PCDH9: variants seen among roughly 807,000 people sequenced by gnomAD.
The protein encoded by PCDH9 is protocadherin 9.
PCDH9 carries 24 observed loss-of-function variants against 70.6 expected under a neutral mutation model. That is an observed-to-expected ratio of 0.34 (90% CI 0.25 to 0.48). PCDH9 has a LOEUF of 0.48. Ranked by LOEUF, PCDH9 falls within the 20% of genes least tolerant of loss-of-function variation. The pLI is 0.99. For missense variants in PCDH9, 1,281 were observed against 1,503.6 expected (o/e 0.85, Z 2.45); for synonymous variants, 562 against 558.5 (o/e 1.01, Z -0.09).
chr13:66,774,808 T>G (rs1456489109), intron 3 of PCDH9, among the ~76,000 whole-genome samples: 1 of 152,216 alleles, frequency 6.6e-6, no homozygotes, highest in African/African-American at 2.4e-5. Context: ...TCCTCCTAAC[T>G]TTTTGCCAGT....
chr13:66,454,693 C>T (rs1243159835), intron 4 of PCDH9, among the ~76,000 whole-genome samples: 1 of 152,094 alleles, frequency 6.6e-6, no homozygotes, highest in East Asian at 1.9e-4. Flanking sequence ...TTTCTTTCTT[C>T]TTGAAAAACA....
chr13:66,455,905 A>G (rs1321904393), intron 4 of PCDH9, among the ~76,000 whole-genome samples: 2 of 152,144 alleles, frequency 1.3e-5, no homozygotes, highest in East Asian at 3.9e-4. Context: ...TCTAAAGGTA[A>G]GAGATTCATA....
intron 4 of PCDH9, among the ~76,000 whole-genome samples, chr13:66,425,088 A>T (rs544419266): frequency 7.4e-4 from 112 of 152,014 alleles, no homozygotes; most frequent in Admixed American, 2.5e-3. Flanking sequence ...TGAAAAATGG[A>T]AAATTATATT....
At chr13:66,307,632 TC>T (rs1955491050) in intron 4 of PCDH9, among the ~76,000 whole-genome samples, 2 of 152,092 alleles carry the variant, frequency 1.3e-5, no homozygotes, top group African/African-American at 4.8e-5. Flanking sequence ...ATTTCCAGCG[TC>T]ATTAATAAGT....
intron 3 of PCDH9, among the ~76,000 whole-genome samples, chr13:66,767,776 C>T (rs913231220): frequency 1.3e-5 from 2 of 152,016 alleles, no homozygotes; most frequent in African/African-American, 2.4e-5. Flanking sequence ...GTCTATGGAG[C>T]AATTTCACCA....
intron 2 of PCDH9, among the ~76,000 whole-genome samples, chr13:67,022,106 CTTTTTTTTTTTTTTTTTTTTTTTTTTTT>C (rs71110623): frequency 5.7e-5 from 2 of 35,370 alleles, no homozygotes; most frequent in Non-Finnish European, 9.6e-5. Flanking sequence ...AGGTGATGTT[CTTTTTTTTTTTTTTTTTTTTTTTTTTTT>C]TTTTTTTTTT....
intron 4 of PCDH9, among the ~76,000 whole-genome samples, chr13:66,423,655 C>T (rs894327728): frequency 2.0e-5 from 3 of 152,062 alleles, no homozygotes; most frequent in Admixed American, 6.5e-5. Flanking sequence ...ACTCAATAAA[C>T]TAGGTATTGA....
chr13:66,934,428 C>T (rs566602230), intron 2 of PCDH9, among the ~76,000 whole-genome samples: 59 of 151,064 alleles, frequency 3.9e-4, no homozygotes, highest in Non-Finnish European at 2.9e-5. Flanking sequence ...GCAATCCCAG[C>T]TACTTAGGAG....
intron 4 of PCDH9, among the ~76,000 whole-genome samples, chr13:66,312,701 A>G (rs1427394207): frequency 6.6e-6 from 1 of 152,186 alleles, no homozygotes; most frequent in Non-Finnish European, 1.5e-5. Context: ...TTTTAAATGT[A>G]AATAAAAATC....
At chr13:66,726,914 C>CT (rs919082174) in intron 3 of PCDH9, among the ~76,000 whole-genome samples, 1 of 152,126 alleles carries the variant, frequency 6.6e-6, no homozygotes, top group African/African-American at 2.4e-5. Flanking sequence ...TATTAGCCTA[C>CT]TTGCTTGCCT....
Position 66,407,421 on chromosome 13 carries a change from C to T in PCDH9, c.3341-102393G>A, listed in dbSNP as rs886471890. ...TTATTCTAAATTTATTCTATAACTCCGTAGCAGAGAAGAACCAATTGTGTG... is the reference window on the plus strand; with the variant it reads ...TTATTCTAAATTTATTCTATAACTCTGTAGCAGAGAAGAACCAATTGTGTG... On this transcript the variant is annotated intron_variant, in intron 4 of 4. Coordinates refer to ENST00000377865, the MANE Select transcript of PCDH9 (RefSeq NM_203487.3). Among the ~76,000 whole-genome samples the T allele has an allele frequency of 2.6e-5, 4 of 152,128 alleles. No homozygotes were observed. The South Asian group carries it at 8.3e-4, about 32-fold the overall frequency.
intron 4 of PCDH9, among the ~76,000 whole-genome samples, chr13:66,623,320 T>C (rs975453022): frequency 3.3e-5 from 5 of 152,264 alleles, no homozygotes; most frequent in African/African-American, 1.2e-4. Flanking sequence ...TTGAGTCATG[T>C]ACTATGTTAA....
At chr13:67,222,959 A>G (rs1043702172) in intron 2 of PCDH9, 1 of 152,118 alleles carries the variant, frequency 6.6e-6, no homozygotes, top group Non-Finnish European at 1.5e-5. Context: ...GTATATCACT[A>G]CCACTTCTCC....
intron 4 of PCDH9, among the ~76,000 whole-genome samples, chr13:66,596,625 C>T (rs1211145990): frequency 3.3e-5 from 5 of 151,692 alleles, no homozygotes; most frequent in Middle Eastern, 3.4e-3. Flanking sequence ...AATACGAGAA[C>T]GTGACAAGAA....
chr13:66,374,844 C>A (rs1010425948), intron 4 of PCDH9, among the ~76,000 whole-genome samples: 43 of 152,002 alleles, frequency 2.8e-4, no homozygotes, highest in African/African-American at 9.7e-4. Context: ...TGTATTTCTT[C>A]ATTGAGGACA....
intron 3 of PCDH9, among the ~76,000 whole-genome samples, chr13:66,799,600 A>C (rs1319905609): frequency 6.6e-6 from 1 of 152,246 alleles, no homozygotes; most frequent in Non-Finnish European, 1.5e-5. Flanking sequence ...TCAGAGAATA[A>C]GAAATGTCTA....
At chr13:66,513,138 T>C (rs1246672496) in intron 4 of PCDH9, among the ~76,000 whole-genome samples, 1 of 151,386 alleles carries the variant, frequency 6.6e-6, no homozygotes, top group Non-Finnish European at 1.5e-5. Context: ...CTTATATTCT[T>C]ATATATATTA....
intron 4 of PCDH9, among the ~76,000 whole-genome samples, chr13:66,504,442 A>G (rs1566375745): frequency 6.6e-6 from 1 of 152,150 alleles, no homozygotes; most frequent in Non-Finnish European, 1.5e-5. Context: ...ATAGTCCCCA[A>G]AGTTCAGGTG....
intron 2 of PCDH9, among the ~76,000 whole-genome samples, chr13:66,961,231 A>T (rs980787292): frequency 2.6e-5 from 4 of 152,172 alleles, no homozygotes; most frequent in Non-Finnish European, 4.4e-5. Flanking sequence ...AAACAATCAG[A>T]GAGTTCAGTG....
Sources: gnomAD v4.1 joint callset for allele counts (sites outside exome capture counted in the v4.1 genomes callset) on GRCh38, gnomAD v4.1.1 for gene constraint, MANE v1.5 for transcripts, NCBI Gene and HGNC (gene_info 2026-07-23, HGNC 2026-07-21) for gene names.